The following PAFAH1B1 variants were observed in gnomAD, a reference collection of about 807,000 sequenced individuals.
The protein encoded by PAFAH1B1 is platelet-activating factor acetylhydrolase IB subunit beta.
A neutral mutation model predicts 57.5 loss-of-function variants in PAFAH1B1; 2 were observed. The ratio of observed to expected loss-of-function variants is 0.03; its 90% CI spans 0.01 to 0.11. PAFAH1B1 has a LOEUF of 0.11. PAFAH1B1 is among the 10% of genes least tolerant of loss of function. PAFAH1B1 has a pLI of 1.00. For missense variants in PAFAH1B1, 257 were observed against 512.0 expected (o/e 0.50, Z 4.81); for synonymous variants, 152 against 169.6 (o/e 0.90, Z 0.81).
intron 2 of PAFAH1B1, among the ~76,000 whole-genome samples, chr17:2,653,870 G>A (rs1022408898): frequency 2.6e-5 from 4 of 151,990 alleles, no homozygotes; most frequent in African/African-American, 9.7e-5. Context: ...GTACAGTGGC[G>A]CAATCTCGGC....
chr17:2,659,121 C>T lies in PAFAH1B1; in HGVS notation c.33-6251C>T, dbSNP rs376551136. On this transcript the variant is annotated intron_variant, in intron 2 of 10. Coordinates refer to ENST00000397195, the MANE Select transcript of PAFAH1B1 (RefSeq NM_000430.4). Reference sequence around the variant, plus strand: ...CAAAAATTAGCTGGGCCTAATGGCACGTGCCTGTAGTCTCAGCTTCTCAGG... The same window carrying T: ...CAAAAATTAGCTGGGCCTAATGGCATGTGCCTGTAGTCTCAGCTTCTCAGG... Among the ~76,000 whole-genome samples, 40 of 152,120 alleles carry T rather than the reference C, an allele frequency of 2.6e-4. No individual in the cohort carries two copies. In the East Asian group the frequency reaches 4.7e-3, roughly 18 times the overall value.
chr17:2,600,785 A>G (rs1201207866), intron 1 of PAFAH1B1, among the ~76,000 whole-genome samples: 3 of 152,018 alleles, frequency 2.0e-5, no homozygotes, highest in Non-Finnish European at 2.9e-5. Flanking sequence ...ACTGTAGTAC[A>G]GTGGCGCGAT....
intron 2 of PAFAH1B1, among the ~76,000 whole-genome samples, chr17:2,645,654 C>T (rs1043218175): frequency 6.7e-6 from 1 of 148,964 alleles, no homozygotes; most frequent in Non-Finnish European, 1.5e-5. Context: ...CGCTCTGTCC[C>T]CCAGGCTGGA....
chr17:2,622,742 G>GT (rs2068440679), intron 1 of PAFAH1B1, among the ~76,000 whole-genome samples: 1 of 152,186 alleles, frequency 6.6e-6, no homozygotes, highest in Admixed American at 6.5e-5. Flanking sequence ...GTAGGGACTC[G>GT]TATGGGGGGC....
chr17:2,665,586 ACTC>A (rs947250165), intron 3 of PAFAH1B1, 130 bp downstream of exon 3: 35 of 583,972 alleles, frequency 6.0e-5, no homozygotes, highest in Non-Finnish European at 6.3e-5. Flanking sequence ...CTTGATTTTC[ACTC>A]CTTTTTTTTT....
intron 2 of PAFAH1B1, among the ~76,000 whole-genome samples, chr17:2,649,574 AAAAT>A (rs1012689684): frequency 6.6e-6 from 1 of 152,188 alleles, no homozygotes; most frequent in Non-Finnish European, 1.5e-5. Flanking sequence ...ACTCCGTCTC[AAAAT>A]AAATAAATAA....
intron 7 of PAFAH1B1, chr17:2,673,811 T>G: frequency 6.4e-6 from 3 of 469,882 alleles, no homozygotes; most frequent in Non-Finnish European, 7.8e-6. Context: ...TAAGTGTGCA[T>G]TTAGTTTTGA....
At chr17:2,671,123 G>C (rs1212400345) in intron 6 of PAFAH1B1, among the ~76,000 whole-genome samples, 2 of 152,130 alleles carry the variant, frequency 1.3e-5, no homozygotes, top group East Asian at 3.8e-4. Context: ...TGAAGGTTGT[G>C]TTTTCTCTGT....
chr17:2,602,807 G>T (rs73976558), intron 1 of PAFAH1B1, among the ~76,000 whole-genome samples: 3 of 152,096 alleles, frequency 2.0e-5, no homozygotes, highest in Non-Finnish European at 4.4e-5. Context: ...ACAAGTATTC[G>T]TTTACTCCTC....
intron 6 of PAFAH1B1, among the ~76,000 whole-genome samples, chr17:2,671,527 G>A (rs12938775): frequency 0.48 from 69,979 of 144,522 alleles, 17,067 homozygotes; most frequent in East Asian, 0.71. Flanking sequence ...TAAGTTGCCT[G>A]TATCTTCTAG....
chr17:2,623,752 AGGTAGCTGGGATCCCAGCCAC>A (rs1567533402), intron 1 of PAFAH1B1, among the ~76,000 whole-genome samples: 1 of 96,900 alleles, frequency 1.0e-5, no homozygotes, highest in East Asian at 2.1e-4. Flanking sequence ...CTCAGCCTCC[AGGTAGCTGGGATCCCAGCCAC>A]AGTAGCTGGG....
At chr17:2,665,288 G>T in intron 2 of PAFAH1B1, 84 bp from the exon 3 acceptor site, 2 of 802,042 alleles carry the variant, frequency 2.5e-6, no homozygotes, top group East Asian at 2.6e-5. Context: ...TATCTTCAGG[G>T]TTAATGAGAT....
At chr17:2,626,795 T>C (rs2068499811) in intron 1 of PAFAH1B1, among the ~76,000 whole-genome samples, 1 of 152,060 alleles carries the variant, frequency 6.6e-6, no homozygotes, top group Non-Finnish European at 1.5e-5. Flanking sequence ...TCTTGTGATC[T>C]GCCCGCATCG....
chr17:2,668,816 A>C (rs2069142283), intron 5 of PAFAH1B1, among the ~76,000 whole-genome samples: 1 of 152,068 alleles, frequency 6.6e-6, no homozygotes, highest in African/African-American at 2.4e-5. Context: ...TCTACTAAAA[A>C]ATACAAAAAA....
At chr17:2,594,919 T>C (rs1015698780) in intron 1 of PAFAH1B1, among the ~76,000 whole-genome samples, 1 of 152,116 alleles carries the variant, frequency 6.6e-6, no homozygotes, top group Non-Finnish European at 1.5e-5. Context: ...AACGTAGCAG[T>C]AGAGGGGAAG....
At chr17:2,600,757 T>G (rs2068133352) in intron 1 of PAFAH1B1, among the ~76,000 whole-genome samples, 1 of 152,142 alleles carries the variant, frequency 6.6e-6, no homozygotes, top group South Asian at 2.1e-4. Flanking sequence ...TGAGACGGAC[T>G]CTCGCTGTGT....
At chr17:2,672,285 C>A (rs1232899458) in intron 6 of PAFAH1B1, among the ~76,000 whole-genome samples, 357 of 69,550 alleles carry the variant, frequency 5.1e-3, no homozygotes, top group African/African-American at 0.013. Context: ...CCTTGCCTCA[C>A]AAAAAAAAAA....
chr17:2,658,451 GTTTA>G (rs1314247466), intron 2 of PAFAH1B1, among the ~76,000 whole-genome samples: 11 of 152,000 alleles, frequency 7.2e-5, no homozygotes, highest in Non-Finnish European at 1.5e-4. Flanking sequence ...CATATTTTTT[GTTTA>G]TTTATTTGGT....
intron 1 of PAFAH1B1, among the ~76,000 whole-genome samples, chr17:2,610,355 A>G (rs546082758): frequency 3.9e-5 from 6 of 152,354 alleles, no homozygotes; most frequent in African/African-American, 1.4e-4. Flanking sequence ...ATGTAGGCCA[A>G]AAAGGTTTAT....
Sources: allele counts gnomAD v4.1 joint callset (sites outside exome capture counted in the v4.1 genomes callset), GRCh38; gene constraint gnomAD v4.1.1; transcripts MANE v1.5; gene names NCBI Gene and HGNC (gene_info 2026-07-23, HGNC 2026-07-21).